Variants in SNCAIP observed in about 807,000 individuals in gnomAD.
SNCAIP encodes the protein synuclein alpha interacting protein.
In SNCAIP, 43 loss-of-function variants were observed where a neutral mutation model predicts 86.7. That is an observed-to-expected ratio of 0.50 (90% CI 0.39 to 0.64). The LOEUF (loss-of-function observed/expected upper bound fraction) is 0.64. Among genes scored for constraint, SNCAIP ranks in the 30% least tolerant of loss-of-function variants. The pLI, the probability that SNCAIP is intolerant of heterozygous loss-of-function variation, is 0.00. For synonymous variants in SNCAIP, 417 were observed against 427.2 expected, an observed-to-expected ratio of 0.98 and a Z score of 0.29; for missense variants, 981 against 1,103.1, an observed-to-expected ratio of 0.89 and a Z score of 1.57.
intron 1 of SNCAIP, among the ~76,000 whole-genome samples, chr5:122,359,151 CA>C (rs1761698800): frequency 6.6e-6 from 1 of 151,792 alleles, no homozygotes; most frequent in African/African-American, 2.4e-5. Context: ...AGAATTCTGT[CA>C]GAAATAATAT....
chr5:122,358,199 G>A (rs537018054), intron 1 of SNCAIP, among the ~76,000 whole-genome samples: 1,722 of 102,662 alleles, frequency 0.017, 17 homozygotes, highest in Admixed American at 0.024. Flanking sequence ...GTGTGTGTGT[G>A]TGTGTATATA....
intron 10 of SNCAIP, among the ~76,000 whole-genome samples, chr5:122,459,523 G>T (rs557550680): frequency 6.6e-6 from 1 of 152,114 alleles, no homozygotes; most frequent in Non-Finnish European, 1.5e-5. Context: ...GTTAATTTGG[G>T]ACTAGGTAAT....
At chr5:122,393,770 C>T (rs770457280) in intron 2 of SNCAIP, among the ~76,000 whole-genome samples, 23 of 152,306 alleles carry the variant, frequency 1.5e-4, no homozygotes, top group African/African-American at 4.6e-4. Flanking sequence ...CAACTGAAGA[C>T]GCTCTACTTT....
chr5:122,387,148 A>T (rs1160685378), intron 1 of SNCAIP, among the ~76,000 whole-genome samples: 1 of 151,820 alleles, frequency 6.6e-6, no homozygotes, highest in East Asian at 1.9e-4. Context: ...TATATAAAGG[A>T]TTTTTGTTTG....
At chr5:122,327,367 A>G (rs1029825913) in intron 1 of SNCAIP, among the ~76,000 whole-genome samples, 1 of 152,146 alleles carries the variant, frequency 6.6e-6, no homozygotes, top group African/African-American at 2.4e-5. Flanking sequence ...AGGACACATT[A>G]TTTCGGGCAG....
intron 1 of SNCAIP, among the ~76,000 whole-genome samples, chr5:122,336,632 G>A (rs1756516338): frequency 1.3e-5 from 2 of 152,178 alleles, no homozygotes; most frequent in South Asian, 4.1e-4. Flanking sequence ...ACAGGGTCTT[G>A]CTCTGTCACC....
chr5:122,339,744 C>T (rs1422224203), intron 1 of SNCAIP, among the ~76,000 whole-genome samples: 7 of 152,270 alleles, frequency 4.6e-5, no homozygotes, highest in South Asian at 4.1e-4. Context: ...GCAAGCTGCT[C>T]GGCTATGAAG....
chr5:122,332,577 C>T (rs998452822), intron 1 of SNCAIP, among the ~76,000 whole-genome samples: 11 of 152,194 alleles, frequency 7.2e-5, no homozygotes, highest in African/African-American at 2.7e-4. Context: ...CCAGTGTTCC[C>T]TGAATTATAT....
intron 2 of SNCAIP, among the ~76,000 whole-genome samples, chr5:122,403,186 T>C (rs1228770140): frequency 6.6e-6 from 1 of 152,160 alleles, no homozygotes; most frequent in Non-Finnish European, 1.5e-5. Context: ...AACTAATCTA[T>C]ATGTGAAAGA....
chr5:122,322,692 G>A (rs1753210372), intron 1 of SNCAIP, among the ~76,000 whole-genome samples: 1 of 152,140 alleles, frequency 6.6e-6, no homozygotes, highest in South Asian at 2.1e-4. Flanking sequence ...AAAGATATTT[G>A]GAACAGTTTG....
At chr5:122,335,275 A>G (rs1428365076) in intron 1 of SNCAIP, among the ~76,000 whole-genome samples, 1 of 152,222 alleles carries the variant, frequency 6.6e-6, no homozygotes, top group African/African-American at 2.4e-5. Context: ...TGTGTGTGAC[A>G]TATCTAAGGA....
intron 1 of SNCAIP, among the ~76,000 whole-genome samples, chr5:122,382,593 C>T (rs375352979): frequency 2.6e-5 from 4 of 152,148 alleles, no homozygotes; most frequent in South Asian, 2.1e-4. Flanking sequence ...TGAGGAACTG[C>T]GTTCCTTTGG....
chr5:122,381,844 G>T (rs976881664), intron 1 of SNCAIP, among the ~76,000 whole-genome samples: 90 of 152,084 alleles, frequency 5.9e-4, no homozygotes, highest in Non-Finnish European at 9.4e-4. Context: ...GAAAATTCTT[G>T]TCTTTAAGAA....
At chr5:122,419,695 T>G (rs915379191) in intron 3 of SNCAIP, among the ~76,000 whole-genome samples, 4 of 152,198 alleles carry the variant, frequency 2.6e-5, no homozygotes, top group Admixed American at 6.5e-5. Context: ...TTTGCTGACA[T>G]GTAAAGAATT....
chr5:122,417,524 C>T (rs1009737089), intron 3 of SNCAIP, among the ~76,000 whole-genome samples: 3 of 152,210 alleles, frequency 2.0e-5, no homozygotes, highest in African/African-American at 7.2e-5. Flanking sequence ...CAAGAGCTTA[C>T]TAACACTATC....
At chr5:122,323,907 C>T (rs1026221109) in intron 1 of SNCAIP, among the ~76,000 whole-genome samples, 3 of 152,144 alleles carry the variant, frequency 2.0e-5, no homozygotes, top group African/African-American at 7.2e-5. Context: ...AACCTTGTTG[C>T]GTGACACATC....
chr5:122,412,455 A>G (rs900026662), intron 3 of SNCAIP, among the ~76,000 whole-genome samples: 1 of 152,108 alleles, frequency 6.6e-6, no homozygotes, highest in Non-Finnish European at 1.5e-5. Flanking sequence ...CTTTCTGGAA[A>G]CGGTCACCTC....
chr5:122,357,475 C>T (rs182240938), intron 1 of SNCAIP, among the ~76,000 whole-genome samples: 20 of 152,134 alleles, frequency 1.3e-4, no homozygotes, highest in East Asian at 5.8e-4. Flanking sequence ...ACCTCGTGAT[C>T]GGCCCGCCTC....
At chr5:122,375,338 TG>T (rs1420912389) in intron 1 of SNCAIP, among the ~76,000 whole-genome samples, 2 of 152,150 alleles carry the variant, frequency 1.3e-5, no homozygotes, top group African/African-American at 4.8e-5. Flanking sequence ...AATATATGGC[TG>T]GGTTTTTCTT....
Sources: gnomAD v4.1 joint callset for allele counts (sites outside exome capture counted in the v4.1 genomes callset) on GRCh38, gnomAD v4.1.1 for gene constraint, MANE v1.5 for transcripts, NCBI Gene and HGNC (gene_info 2026-07-23, HGNC 2026-07-21) for gene names.